The following GLT8D1 variants were observed in gnomAD, a reference collection of about 807,000 sequenced individuals.
GLT8D1 encodes the protein glycosyltransferase 8 domain-containing protein 1.
GLT8D1 carries 41 observed loss-of-function variants against 46.2 expected under a neutral mutation model. The ratio of observed to expected loss-of-function variants is 0.89; its 90% CI spans 0.69 to 1.15. The LOEUF (loss-of-function observed/expected upper bound fraction) is 1.15. Among genes scored for constraint, GLT8D1 ranks in the 50% most tolerant of loss-of-function variants. The probability of loss-of-function intolerance (pLI) is 0.00; values close to 1 mark genes in which losing one functional copy is unlikely to be tolerated. For synonymous variants in GLT8D1, 150 were observed against 154.2 expected (o/e 0.97, Z 0.20); for missense variants, 408 against 449.3 (o/e 0.91, Z 0.83).
rs3733043 is a variant in GLT8D1 at position 52,700,472 on chromosome 3, G to A, written c.-12C>T. 296 of 1,580,182 alleles carry A rather than the reference G, an allele frequency of 1.9e-4. 2 individuals carry two copies. The East Asian group carries it at 2.9e-3, about 15-fold the overall frequency. On this transcript the variant is annotated 5_prime_UTR_variant, in exon 2 of 10. Transcript: ENST00000266014. ...TTACGGAATGACATCTTTTTCTTCT[G>A]TCATATAAATATTAGTTTTTAACCC...
chr3:52,700,175 C>T (rs575368279), intron 3 of GLT8D1, 87 bp downstream of exon 3: 33 of 807,180 alleles, frequency 4.1e-5, no homozygotes, highest in South Asian at 3.7e-4. Flanking sequence ...CTAGTACTAC[C>T]GGAAGAAGAA....
Position 52,697,816 on chromosome 3 carries a change from C to A in GLT8D1, c.234G>T (p.Gly78=). The A allele has an allele frequency of 6.2e-7, 1 of 1,613,822 alleles. No individual in the cohort carries two copies. The highest frequency in any genetic ancestry group is 8.5e-7 in the Non-Finnish European group (1 of 1,179,682). ...VVIAASEDRL[G]GAIAAINSIQ... ...TGCTGTTTATAGCTGCAATGGCCCCCCCAAGCCTGTCTTCAGATGCAGCGA... is the reference window on the plus strand; with the variant it reads ...TGCTGTTTATAGCTGCAATGGCCCCACCAAGCCTGTCTTCAGATGCAGCGA... Residue 78 remains glycine (G), a synonymous_variant, in exon 4 of 10, where the codon GGG becomes GGT. Coordinates refer to ENST00000266014, the MANE Select transcript of GLT8D1 (RefSeq NM_018446.4).
intron 3 of GLT8D1, among the ~76,000 whole-genome samples, chr3:52,699,729 G>C (rs1341416470): frequency 2.0e-5 from 3 of 152,152 alleles, no homozygotes; most frequent in Non-Finnish European, 4.4e-5. Flanking sequence ...CATGCTATCA[G>C]AGCACTCCGT....
chr3:52,696,302 A>G lies in GLT8D1; in HGVS notation c.464T>C (p.Phe155Ser). 6.2e-7 allele frequency: 1 copy of G among 1,609,144 alleles called. No homozygotes were observed. The highest frequency in any genetic ancestry group is 8.5e-7 in the Non-Finnish European group (1 of 1,175,372). ...ESMKPLTFARFYLPILVPSAK... is the reference protein window; with the variant it reads ...ESMKPLTFARSYLPILVPSAK... ...GCTGGGAACCAGAATTGGCAAGTAG[A>G]ACCTTGCAAAGGTTAACTGGAAAAG... Residue 155 changes from phenylalanine to serine, a missense_variant, in exon 6 of 10, where the codon TTC becomes TCC. Phe to Ser is a radical substitution (Grantham distance 155). Coordinates refer to ENST00000266014, the MANE Select transcript of GLT8D1 (RefSeq NM_018446.4).
rs1467050638 is a variant in GLT8D1, at chr3:52,696,220, G to C, written c.532+14C>G. 5 of 1,551,834 alleles carry C rather than the reference G, an allele frequency of 3.2e-6. No homozygotes were observed. The highest frequency in any genetic ancestry group is 4.5e-6 in the Non-Finnish European group (5 of 1,123,248). On this transcript the variant is annotated intron_variant, in intron 6 of 9. Coordinates refer to ENST00000266014, the MANE Select transcript of GLT8D1 (RefSeq NM_018446.4). ...CTGGGTGGAGAACAGCACTCATGGT[G>C]ACATTTTTGATACCTTGCACAATTA... is the stretch of plus-strand genomic sequence containing the variant.
rs1234447890 is a variant in GLT8D1, at chr3:52,696,536, A to ACT, written c.447+4_447+5dup. The stretch of plus-strand genomic sequence containing the variant: ...CCAAGTGCAAAGAAGGATGCATGGA[A>ACT]CTCACAGGTTTCATGGATTCCCCCT... On this transcript the variant is annotated splice_donor_region_variant and intron_variant, in intron 5 of 9. Transcript: ENST00000266014. The ACT allele has an allele frequency of 7.2e-7, 1 of 1,396,192 alleles. No homozygotes were observed. Among genetic ancestry groups the ACT allele is most frequent in the African/African-American group, 1.4e-5 (1 of 70,810 alleles). The allele number at this position is 1,396,192 out of a possible 1,614,324, so 86.5% of individuals were successfully genotyped here.
intron 8 of GLT8D1, 24 bp from the exon 9 acceptor site, chr3:52,695,326 T>C (rs1247234484): frequency 1.9e-6 from 3 of 1,593,412 alleles, no homozygotes; most frequent in Non-Finnish European, 2.6e-6. Context: ...AAAACAAATG[T>C]TTGTTAGTGA....
intron 3 of GLT8D1, among the ~76,000 whole-genome samples, chr3:52,699,746 CAG>C (rs2154100561): frequency 6.6e-6 from 1 of 152,230 alleles, no homozygotes; most frequent in African/African-American, 2.4e-5. Flanking sequence ...CCGTGAAAGT[CAG>C]GGGAAAGCTA....
At position 52,700,266 on chromosome 3, in the gene GLT8D1, A is replaced by C; in HGVS notation, c.111T>G (p.Val37=). ...TATTAATAAGTGCTCGCATACCTGT[A>C]ACCTCATTCCTTAACAAACTGCTCA... ...LSLSSLLRNE[V]TDSGIVGPQP... The change falls in exon 3 of 10, where the codon GTT becomes GTG. Residue 37 remains valine (V), a synonymous_variant. Transcript: ENST00000266014. The C allele has an allele frequency of 6.2e-7, 1 of 1,604,322 alleles. No individual in the cohort carries two copies. Among genetic ancestry groups the C allele is most frequent in the Non-Finnish European group, 8.5e-7 (1 of 1,171,800 alleles).
chr3:52,700,334 C>G lies in GLT8D1; in HGVS notation c.43G>C (p.Val15Leu). ...TGCAAAACCAGTAAGAAGAGAGCAA[C>G]AGCCAGGACCAAGATGATGATGTTT... ...KVNIIILVLA[V>L]ALFLLVLHHN... Residue 15 changes from valine to leucine, a missense_variant, in exon 3 of 10, where the codon GTT becomes CTT. Coordinates refer to ENST00000266014, the MANE Select transcript of GLT8D1 (RefSeq NM_018446.4). 6.2e-7 allele frequency: 1 copy of G among 1,613,694 alleles called. No individual in the cohort carries two copies. The highest frequency in any genetic ancestry group is 1.3e-5 in the African/African-American group (1 of 75,026).
intron 1 of GLT8D1, chr3:52,703,563 G>A (rs966761598): frequency 1.3e-5 from 2 of 152,044 alleles, no homozygotes; most frequent in African/African-American, 4.8e-5. Context: ...ATCTGCCTGC[G>A]ATGAGGCAAC....
rs1338968356 is a variant in GLT8D1 at position 52,696,231 on chromosome 3, T to TA, written c.532+2dup. ...ACAGCACTCATGGTGACATTTTTGATACCTTGCACAATTACATCATCATCC... is the reference window on the plus strand; with the variant it reads ...ACAGCACTCATGGTGACATTTTTGATAACCTTGCACAATTACATCATCATCC... On this transcript the variant is annotated splice_region_variant and intron_variant, in intron 6 of 9. Transcript: ENST00000266014. The TA allele has an allele frequency of 4.4e-6, 7 of 1,589,554 alleles. No individual in the cohort carries two copies. Among genetic ancestry groups the TA allele is most frequent in the Non-Finnish European group, 6.0e-6 (7 of 1,157,458 alleles).
intron 4 of GLT8D1, chr3:52,697,456 T>C (rs1000322546): frequency 1.5e-5 from 7 of 470,644 alleles, no homozygotes; most frequent in African/African-American, 1.2e-4. Context: ...GAAAGTATTA[T>C]TATCAAAACA....
chr3:52,695,911 T>C lies in GLT8D1; in HGVS notation c.645+17A>G. 7.1e-7 allele frequency: 1 copy of C among 1,406,076 alleles called. No homozygotes were observed. Among genetic ancestry groups the C allele is most frequent in the South Asian group, 1.2e-5 (1 of 86,748 alleles). The allele number at this position is 1,406,076 out of a possible 1,614,324, so 87.1% of individuals were successfully genotyped here. On this transcript the variant is annotated intron_variant, in intron 7 of 9. Transcript: ENST00000266014. ...AAACAATATTGTAGGAAGAGGGGTG[T>C]TTGGTAAGCAATTTACCTGGTTTCC...
Position 52,694,869 on chromosome 3 carries a change from A to T in GLT8D1, c.1092T>A (p.Tyr364Ter). The T allele has an allele frequency of 6.2e-7, 1 of 1,611,344 alleles. No homozygotes were observed. Residue 364 changes from tyrosine (Y) to a stop codon, truncating the protein, a stop_gained, in exon 10 of 10, where the codon TAT becomes TAA. Transcript: ENST00000266014. LOFTEE classifies it high-confidence loss of function. ...TTCACTTTATGTTTGAGATCTCGGT[A>T]TATCTTCGGATTAGGTTGAATTTGC... ...PTGKFNLIRRYTEISNIK is the reference protein window; with the variant it reads ...PTGKFNLIRR
At position 52,697,924 on chromosome 3, in the gene GLT8D1, A is replaced by G. The variant is rs1435776964; in HGVS notation, c.126T>C (p.Ile42=). ...LLRNEVTDSG[I]VGPQPIDFVP... ...CAAAGTCTATAGGTTGAGGCCCTACAATTCCTGAATCTGAAAACACAAGGA... is the reference window on the plus strand; with the variant it reads ...CAAAGTCTATAGGTTGAGGCCCTACGATTCCTGAATCTGAAAACACAAGGA... Residue 42 remains isoleucine (I), a synonymous_variant, in exon 4 of 10, where the codon ATT becomes ATC. Transcript: ENST00000266014. 8 of 1,607,390 alleles carry G rather than the reference A, an allele frequency of 5.0e-6. No individual in the cohort carries two copies. The East Asian group carries it at 6.7e-5, about 13-fold the overall frequency.
intron 1 of GLT8D1, chr3:52,703,423 CAAAAAAAAAA>C (rs542369068): frequency 1.4e-5 from 1 of 70,548 alleles, no homozygotes; most frequent in Non-Finnish European, 3.0e-5. Flanking sequence ...GACTCTGTCT[CAAAAAAAAAA>C]AAAAAAAAAG....
chr3:52,695,830 T>C (rs777389753), intron 7 of GLT8D1, 98 bp downstream of exon 7: 8 of 727,670 alleles, frequency 1.1e-5, no homozygotes, highest in East Asian at 2.5e-5. Context: ...GATGAAATGA[T>C]TGGGGAGTGT....
At position 52,696,241 on chromosome 3, in the gene GLT8D1, A is replaced by G. The variant is rs1185250462; in HGVS notation, c.525T>C (p.Ile175=). 1 of 1,602,524 alleles carries G rather than the reference A, an allele frequency of 6.2e-7. No homozygotes were observed. The highest frequency in any genetic ancestry group is 8.6e-7 in the Non-Finnish European group (1 of 1,169,406). The change falls in exon 6 of 10, where the codon ATT becomes ATC. Residue 175 remains isoleucine (I), a synonymous_variant. Coordinates refer to ENST00000266014, the MANE Select transcript of GLT8D1 (RefSeq NM_018446.4). The stretch of plus-strand genomic sequence containing the variant: ...TGGTGACATTTTTGATACCTTGCAC[A>G]ATTACATCATCATCCATGTATATGG... ...KKAIYMDDDV[I]VQGDILALYN...
Sources: allele counts gnomAD v4.1 joint callset (sites outside exome capture counted in the v4.1 genomes callset), GRCh38; gene constraint gnomAD v4.1.1; transcripts MANE v1.5; gene names NCBI Gene and HGNC (gene_info 2026-07-23, HGNC 2026-07-21).